Variants in KCNU1 observed in about 807,000 individuals in gnomAD.
KCNU1 encodes potassium calcium-activated channel subfamily U member 1.
Under a neutral mutation model 126.8 loss-of-function variants are expected in KCNU1, and 93 were observed. The ratio of observed to expected loss-of-function variants is 0.73; its 90% CI spans 0.62 to 0.87. KCNU1 has a LOEUF of 0.87. Ranked by LOEUF, KCNU1 falls within the 40% of genes least tolerant of loss-of-function variation. The probability of loss-of-function intolerance (pLI) is 0.00; values close to 1 mark genes in which losing one functional copy is unlikely to be tolerated. For synonymous variants in KCNU1, 523 were observed against 494.2 expected (o/e 1.06, Z -0.77); for missense variants, 1,330 against 1,367.1 (o/e 0.97, Z 0.43).
intron 10 of KCNU1, among the ~76,000 whole-genome samples, chr8:36,821,087 G>GA (rs1456996453): frequency 1.3e-5 from 2 of 151,954 alleles, no homozygotes; most frequent in Admixed American, 6.6e-5. Context: ...AGTTGAAAAT[G>GA]AAAAAAAGAA....
intron 7 of KCNU1, among the ~76,000 whole-genome samples, chr8:36,811,085 T>A (rs1328618918): frequency 6.6e-6 from 1 of 151,940 alleles, no homozygotes; most frequent in Non-Finnish European, 1.5e-5. Context: ...TTCAGAAACA[T>A]GGTGGACAGG....
intron 15 of KCNU1, 135 bp from the exon 16 acceptor site, chr8:36,840,796 AC>A: frequency 1.4e-6 from 1 of 718,872 alleles, no homozygotes; most frequent in Non-Finnish European, 2.5e-6. Flanking sequence ...GGATTCACTT[AC>A]AAGGGATCAT....
chr8:36,901,645 C>T (rs906409874), intron 19 of KCNU1, among the ~76,000 whole-genome samples: 4 of 152,162 alleles, frequency 2.6e-5, no homozygotes, highest in East Asian at 1.9e-4. Context: ...GCTTCCAAAG[C>T]TGAAAGCTGG....
Position 36,785,864 on chromosome 8 carries a change from C to A in KCNU1, c.195+1259C>A, listed in dbSNP as rs997718261. Among the ~76,000 whole-genome samples, 4 of 152,016 alleles carry A rather than the reference C, an allele frequency of 2.6e-5. No homozygotes were observed. The East Asian group carries it at 7.7e-4, about 29-fold the overall frequency. On this transcript the variant is annotated intron_variant, in intron 1 of 26. Transcript: ENST00000399881. ...ACATTTGTCAATTTCCTATATTTTTCATTTCTTACTTTGGGTGTAATTTAT... is the reference window on the plus strand; with the variant it reads ...ACATTTGTCAATTTCCTATATTTTTAATTTCTTACTTTGGGTGTAATTTAT...
chr8:36,877,127 C>T (rs950355057), intron 19 of KCNU1, among the ~76,000 whole-genome samples: 7 of 152,122 alleles, frequency 4.6e-5, no homozygotes, highest in African/African-American at 9.7e-5. Flanking sequence ...GCAAAGCAGA[C>T]GATCCAGTGA....
intron 19 of KCNU1, among the ~76,000 whole-genome samples, chr8:36,877,554 C>T (rs376922183): frequency 2.5e-4 from 38 of 152,172 alleles, no homozygotes; most frequent in Non-Finnish European, 3.5e-4. Flanking sequence ...CCTCCTGCCT[C>T]GGCCTCCCAA....
chr8:36,836,920 CT>C lies in KCNU1; in HGVS notation c.1494del (p.Leu499TyrfsTer20), dbSNP rs1245389430. The C allele has an allele frequency of 3.1e-6, 5 of 1,613,804 alleles. No individual in the cohort carries two copies. The highest frequency in any genetic ancestry group is 4.2e-6 in the Non-Finnish European group (5 of 1,179,780). On this transcript the variant is annotated frameshift_variant, in exon 14 of 27. Coordinates refer to ENST00000399881, the MANE Select transcript of KCNU1 (RefSeq NM_001031836.3). LOFTEE classifies it high-confidence loss of function. The stretch of plus-strand genomic sequence containing the variant: ...CCAGGCTTGTGTACCTTCCTAACAT[CT>C]CTATTTGTGGAGCAAAACAAAAAGG... ...LVPGLCTFLT[S>X]LFVEQNKKVM... is the part of the protein sequence containing the mutation.
intron 22 of KCNU1, among the ~76,000 whole-genome samples, chr8:36,916,285 C>T (rs969676448): frequency 1.9e-5 from 2 of 102,722 alleles, no homozygotes; most frequent in African/African-American, 7.9e-5. Context: ...AGGAAGGAAA[C>T]AAAAGGAAGA....
In KCNU1 at chr8:36,869,041, C is replaced by A. The variant is rs369362418; in HGVS notation, c.2009+4520C>A. Among the ~76,000 whole-genome samples the A allele has an allele frequency of 2.6e-4, 39 of 152,220 alleles. 1 individual carries two copies. The highest frequency in any genetic ancestry group is 9.1e-4 in the African/African-American group (38 of 41,536). ...TTATTTACTATTCTCTGCTTCTTCTCTATCAAAACTCTCTTCTTTAGTAAA... is the reference window on the plus strand; with the variant it reads ...TTATTTACTATTCTCTGCTTCTTCTATATCAAAACTCTCTTCTTTAGTAAA... On this transcript the variant is annotated intron_variant, in intron 19 of 26. Coordinates refer to ENST00000399881, the MANE Select transcript of KCNU1 (RefSeq NM_001031836.3).
chr8:36,802,293 C>T (rs1401379607), intron 2 of KCNU1, among the ~76,000 whole-genome samples: 2 of 151,948 alleles, frequency 1.3e-5, no homozygotes, highest in Non-Finnish European at 2.9e-5. Flanking sequence ...GGAGAAATGT[C>T]AGGGTACTTT....
At chr8:36,839,095 G>A (rs991597476) in intron 14 of KCNU1, among the ~76,000 whole-genome samples, 2 of 152,068 alleles carry the variant, frequency 1.3e-5, no homozygotes, top group African/African-American at 2.4e-5. Context: ...GTTAATATTT[G>A]TAAAACTTCT....
chr8:36,888,739 C>T (rs765453577), intron 19 of KCNU1: 2 of 534,316 alleles, frequency 3.7e-6, no homozygotes, highest in Non-Finnish European at 7.7e-6. Flanking sequence ...CAAAAGAAGC[C>T]TACAAGAAGT....
chr8:36,866,084 C>T (rs1303496135), intron 19 of KCNU1, among the ~76,000 whole-genome samples: 3 of 151,988 alleles, frequency 2.0e-5, no homozygotes, highest in Admixed American at 6.6e-5. Flanking sequence ...GCTTGATTCC[C>T]GGCTGCTAGT....
At chr8:36,791,246 A>C (rs1802891265) in intron 2 of KCNU1, among the ~76,000 whole-genome samples, 4 of 152,168 alleles carry the variant, frequency 2.6e-5, no homozygotes, top group African/African-American at 9.7e-5. Flanking sequence ...ATTTTCTTCT[A>C]AATTTAGTTC....
intron 5 of KCNU1, among the ~76,000 whole-genome samples, chr8:36,806,849 A>G (rs974953084): frequency 1.4e-4 from 21 of 152,170 alleles, no homozygotes; most frequent in African/African-American, 4.6e-4. Flanking sequence ...GTGTAATTTT[A>G]TTGTATGATT....
chr8:36,842,925 A>G (rs1805010358), intron 16 of KCNU1, among the ~76,000 whole-genome samples: 1 of 152,156 alleles, frequency 6.6e-6, no homozygotes, highest in African/African-American at 2.4e-5. Flanking sequence ...CGGCTTCCCA[A>G]AGTGCTGGGA....
intron 25 of KCNU1, 73 bp from the exon 26 acceptor site, chr8:36,932,847 A>G (rs1808741741): frequency 2.4e-6 from 2 of 843,136 alleles, no homozygotes; most frequent in East Asian, 2.7e-5. Context: ...AAAGCAAACG[A>G]CACTCCAGTG....
intron 2 of KCNU1, chr8:36,795,497 A>T (rs1803062890): frequency 6.6e-6 from 1 of 152,494 alleles, no homozygotes; most frequent in South Asian, 2.1e-4. Flanking sequence ...TGTGTACCTG[A>T]TCCATCCCAG....
At chr8:36,824,570 A>T (rs1044573836) in intron 10 of KCNU1, among the ~76,000 whole-genome samples, 5 of 152,170 alleles carry the variant, frequency 3.3e-5, no homozygotes, top group Non-Finnish European at 5.9e-5. Context: ...TTGGATAAGG[A>T]TGGATTACTA....
Sources: allele counts gnomAD v4.1 joint callset (sites outside exome capture counted in the v4.1 genomes callset), GRCh38; gene constraint gnomAD v4.1.1; transcripts MANE v1.5; gene names NCBI Gene and HGNC (gene_info 2026-07-23, HGNC 2026-07-21).